NR5A2: variants seen among roughly 807,000 people sequenced by gnomAD.
NR5A2 encodes the protein CYP7A promoter-binding factor.
A neutral mutation model predicts 62.7 loss-of-function variants in NR5A2; 26 were observed. The ratio of observed to expected loss-of-function variants is 0.41; its 90% CI spans 0.30 to 0.58. NR5A2 has a LOEUF of 0.58. Among genes scored for constraint, NR5A2 ranks in the 20% least tolerant of loss-of-function variants. The probability of loss-of-function intolerance (pLI) is 0.22; values close to 1 mark genes in which losing one functional copy is unlikely to be tolerated. For synonymous variants in NR5A2, 246 were observed against 241.7 expected (o/e 1.02, Z -0.16); for missense variants, 541 against 669.1 (o/e 0.81, Z 2.11).
chr1:200,040,904 C>T lies in NR5A2; in HGVS notation c.202+1109C>T, dbSNP rs114884020. Reference sequence around the variant, plus strand: ...CCGTGCGGGTTGTGATCCGTTACCCCATCGGTCATCCTGGGGTCTCCCCAA... The same window carrying T: ...CCGTGCGGGTTGTGATCCGTTACCCTATCGGTCATCCTGGGGTCTCCCCAA... On this transcript the variant is annotated intron_variant, in intron 2 of 7. Transcript: ENST00000367362. 7.5e-3 allele frequency among the ~76,000 whole-genome samples: 1,143 copies of T among 152,344 alleles called. 17 individuals are homozygous for T. Among genetic ancestry groups the T allele is most frequent in the African/African-American group, 0.025 (1,058 of 41,578 alleles).
chr1:200,137,543 T>C lies in NR5A2; in HGVS notation c.1378+16588T>C, dbSNP rs140256317. Among the ~76,000 whole-genome samples the C allele has an allele frequency of 5.0e-3, 769 of 152,304 alleles. 4 individuals carry two copies. Among genetic ancestry groups the C allele is most frequent in the Non-Finnish European group, 8.8e-3 (596 of 68,022 alleles). Reference sequence around the variant, plus strand: ...TTACAAATATTTACTGTGAACAGAATTTGATAATTGATTGAAAATCATTAC... The same window carrying C: ...TTACAAATATTTACTGTGAACAGAACTTGATAATTGATTGAAAATCATTAC... On this transcript the variant is annotated intron_variant, in intron 7 of 7. Transcript: ENST00000367362.
At chr1:200,047,862 G>A (rs949000328) in intron 4 of NR5A2, among the ~76,000 whole-genome samples, 1 of 152,136 alleles carries the variant, frequency 6.6e-6, no homozygotes, top group Non-Finnish European at 1.5e-5. Flanking sequence ...ACAGGTGTGA[G>A]CCACCGCACC....
chr1:200,117,529 G>A (rs903000357), intron 6 of NR5A2, among the ~76,000 whole-genome samples: 27 of 152,010 alleles, frequency 1.8e-4, no homozygotes, highest in Admixed American at 1.3e-3. Flanking sequence ...ATTCCTTTCC[G>A]TTATAGTGTA....
chr1:200,146,463 A>T (rs180679148), intron 7 of NR5A2, among the ~76,000 whole-genome samples: 1 of 152,346 alleles, frequency 6.6e-6, no homozygotes, highest in East Asian at 1.9e-4. Flanking sequence ...CAGGCTGTAT[A>T]AATAGCCATC....
At chr1:200,165,579 G>A (rs1653863885) in intron 7 of NR5A2, among the ~76,000 whole-genome samples, 1 of 152,276 alleles carries the variant, frequency 6.6e-6, no homozygotes, top group Non-Finnish European at 1.5e-5. Context: ...TTTCCAGAAT[G>A]TCACACAGTT....
At chr1:200,141,583 G>A (rs1428965943) in intron 7 of NR5A2, among the ~76,000 whole-genome samples, 1 of 152,140 alleles carries the variant, frequency 6.6e-6, no homozygotes, top group Non-Finnish European at 1.5e-5. Flanking sequence ...TCATGTATGG[G>A]TTTTTATGTA....
intron 5 of NR5A2, among the ~76,000 whole-genome samples, chr1:200,064,128 G>A (rs1452851163): frequency 6.7e-6 from 1 of 149,600 alleles, no homozygotes; most frequent in Non-Finnish European, 1.5e-5. Context: ...CAGCCTGGGC[G>A]ACAGAGCGAG....
chr1:200,047,870 A>T (rs776937411), intron 4 of NR5A2, among the ~76,000 whole-genome samples: 1 of 152,060 alleles, frequency 6.6e-6, no homozygotes, highest in Non-Finnish European at 1.5e-5. Context: ...GAGCCACCGC[A>T]CCACGCCTAT....
intron 7 of NR5A2, among the ~76,000 whole-genome samples, chr1:200,161,473 T>C (rs995217142): frequency 4.6e-5 from 7 of 152,174 alleles, no homozygotes; most frequent in African/African-American, 1.7e-4. Context: ...AAATTGCAAA[T>C]GTGTATACAG....
intron 7 of NR5A2, among the ~76,000 whole-genome samples, chr1:200,131,594 G>A (rs971051381): frequency 6.6e-6 from 1 of 152,170 alleles, no homozygotes; most frequent in Non-Finnish European, 1.5e-5. Flanking sequence ...GATGTTTCTC[G>A]CTGCTTTAGC....
At chr1:200,162,243 G>A (rs998939111) in intron 7 of NR5A2, among the ~76,000 whole-genome samples, 1 of 152,220 alleles carries the variant, frequency 6.6e-6, no homozygotes, top group African/African-American at 2.4e-5. Flanking sequence ...TGCCCTGCAT[G>A]ATGGGCAAAT....
rs370465688 is a variant in NR5A2 at position 200,147,389 on chromosome 1, G to A, written c.1378+26434G>A. 1.1e-5 allele frequency: 4 copies of A among 377,752 alleles called. No individual in the cohort carries two copies. Among genetic ancestry groups the A allele is most frequent in the East Asian group, 6.4e-5 (1 of 15,656 alleles). 23.4% of individuals were successfully genotyped at this position (377,752 alleles called of 1,614,324 possible). On this transcript the variant is annotated intron_variant, in intron 7 of 7. Coordinates refer to ENST00000367362, the MANE Select transcript of NR5A2 (RefSeq NM_205860.3). This position sits in a 1 kb window ranked among gnomAD's most constrained non-coding sequence, Gnocchi z 4.9. ...CCCCCAGGCCACCTTAGTTCCTCTC[G>A]GAGTCTGTATGGGTCTGGGCGAGAT...
chr1:200,063,302 A>T (rs1313599144), intron 5 of NR5A2, among the ~76,000 whole-genome samples: 1 of 150,366 alleles, frequency 6.7e-6, no homozygotes, highest in Admixed American at 6.6e-5. Flanking sequence ...GGGATTACAG[A>T]TGTGAGCCAC....
At position 200,174,557 on chromosome 1, in the gene NR5A2, C is replaced by T. The variant is rs1236307297; in HGVS notation, c.*347C>T. The T allele has an allele frequency of 6.1e-6, 1 of 164,164 alleles. No individual in the cohort carries two copies. The highest frequency in any genetic ancestry group is 1.3e-5 in the Non-Finnish European group (1 of 76,240). The allele number at this position is 164,164 out of a possible 1,614,324, so 10.2% of individuals were successfully genotyped here. ...GGTTCTTGTATATTTAAACTGATCT[C>T]CACTATGAAGAAATTTAGGAACTAA... On this transcript the variant is annotated 3_prime_UTR_variant, in exon 8 of 8. Transcript: ENST00000367362.
chr1:200,045,512 G>A lies in NR5A2; in HGVS notation c.391G>A (p.Asp131Asn). Reference sequence around the variant, plus strand: ...TATAGAAAACCAGAACTGCCAAATTGACAAAACACAGAGAAAGCGTTGTCC... The same window carrying A: ...TATAGAAAACCAGAACTGCCAAATTAACAAAACACAGAGAAAGCGTTGTCC... ...TCIENQNCQI[D>N]KTQRKRCPYC... Residue 131 changes from aspartate (D) to asparagine (N), a missense_variant, in exon 4 of 8, where the codon GAC (aspartate) becomes AAC (asparagine). This residue lies in a region of NR5A2 where 54 missense variants were observed against 123.8 expected (regional missense o/e 0.44). Transcript: ENST00000367362. 6.2e-7 allele frequency: 1 copy of A among 1,613,342 alleles called. No homozygotes were observed. The highest frequency in any genetic ancestry group is 8.5e-7 in the Non-Finnish European group (1 of 1,179,476).
intron 5 of NR5A2, among the ~76,000 whole-genome samples, chr1:200,062,255 G>GTGTGTATC (rs1176481005): frequency 1.3e-5 from 2 of 151,850 alleles, no homozygotes; most frequent in Admixed American, 1.3e-4. Flanking sequence ...GTGTGTGTGT[G>GTGTGTATC]TGTATCTGTG....
intron 5 of NR5A2, among the ~76,000 whole-genome samples, chr1:200,087,262 A>G (rs1372136528): frequency 6.6e-6 from 1 of 151,708 alleles, no homozygotes; most frequent in Non-Finnish European, 1.5e-5. Context: ...ACACACACAC[A>G]CACACCCTTC....
rs1255470556 is a variant in NR5A2 at position 200,174,100 on chromosome 1, A to G, written c.1516A>G (p.Ile506Val). Residue 506 changes from isoleucine to valine, a missense_variant, in exon 8 of 8, where the codon ATC becomes GTC. Transcript: ENST00000367362. ...ACAGCTACTTCTTCGACTACCCGAA[A>G]TCCGGGCCATCAGTATGCAGGCTGA... ...FGQLLLRLPE[I>V]RAISMQAEEY... 5 of 1,613,824 alleles carry G rather than the reference A, an allele frequency of 3.1e-6. No homozygotes were observed. The highest frequency in any genetic ancestry group is 1.3e-5 in the African/African-American group (1 of 74,850).
intron 1 of NR5A2, among the ~76,000 whole-genome samples, chr1:200,035,510 G>C (rs1571692169): frequency 6.6e-6 from 1 of 152,074 alleles, no homozygotes. Context: ...CCCAGCTCAC[G>C]CTCCGAAATG....
Sources: gnomAD v4.1 joint callset for allele counts (sites outside exome capture counted in the v4.1 genomes callset) on GRCh38, gnomAD v4.1.1 for gene constraint, gnomAD v4.1.1 regional missense constraint, Gnocchi (gnomAD v3.1) non-coding constraint, MANE v1.5 for transcripts, NCBI Gene and HGNC (gene_info 2026-07-23, HGNC 2026-07-21) for gene names.